TRHDE: variants seen among roughly 807,000 people sequenced by gnomAD.
TRHDE encodes the protein thyrotropin releasing hormone degrading enzyme, also known as thyrotropin-releasing hormone-degrading ectoenzyme.
In TRHDE, 72 loss-of-function variants were observed where a neutral mutation model predicts 125.7. That is an observed-to-expected ratio of 0.57 (90% CI 0.47 to 0.70). The LOEUF (loss-of-function observed/expected upper bound fraction) is 0.70. TRHDE is among the 30% of genes least tolerant of loss of function. The pLI, the probability that TRHDE is intolerant of heterozygous loss-of-function variation, is 0.00. For synonymous variants in TRHDE, 509 were observed against 509.1 expected, an observed-to-expected ratio of 1.00 and a Z score of 0.00; for missense variants, 1,110 against 1,327.1, an observed-to-expected ratio of 0.84 and a Z score of 2.54.
chr12:72,538,830 C>T (rs926858382), intron 6 of TRHDE, among the ~76,000 whole-genome samples: 5 of 151,890 alleles, frequency 3.3e-5, no homozygotes, highest in African/African-American at 4.8e-5. Flanking sequence ...TTTCTGGTTA[C>T]TTTACTTCTT....
chr12:72,545,003 C>A (rs1048919518), intron 7 of TRHDE, among the ~76,000 whole-genome samples: 2 of 151,252 alleles, frequency 1.3e-5, no homozygotes, highest in Admixed American at 1.3e-4. Flanking sequence ...TCATATTACC[C>A]ATTGGTTCAG....
intron 2 of TRHDE, chr12:72,264,524 C>T (rs1264537425): frequency 1.3e-5 from 2 of 151,922 alleles, no homozygotes; most frequent in Admixed American, 6.6e-5. Flanking sequence ...AAATGAATAT[C>T]GATTTTTGTG....
At chr12:72,554,286 T>A (rs1869819175) in intron 7 of TRHDE, among the ~76,000 whole-genome samples, 1 of 152,186 alleles carries the variant, frequency 6.6e-6, no homozygotes, top group Admixed American at 6.6e-5. Context: ...TTGGATTCTT[T>A]ATGTGGCTGG....
intron 2 of TRHDE, among the ~76,000 whole-genome samples, chr12:72,191,709 G>A (rs181616379): frequency 1.3e-3 from 199 of 152,122 alleles, no homozygotes; most frequent in African/African-American, 4.5e-3. Context: ...GAGAGTTTAA[G>A]TAAAAAAATG....
intron 2 of TRHDE, among the ~76,000 whole-genome samples, chr12:72,359,103 C>T (rs1473150235): frequency 6.6e-6 from 1 of 150,462 alleles, no homozygotes; most frequent in East Asian, 2.0e-4. Flanking sequence ...TGTACCCCAC[C>T]CCCACCTCCC....
chr12:72,442,061 G>A (rs892613438), intron 3 of TRHDE, among the ~76,000 whole-genome samples: 1 of 151,764 alleles, frequency 6.6e-6, no homozygotes, highest in Admixed American at 6.6e-5. Context: ...ATTTCACCTT[G>A]TAAAGAGAGG....
At chr12:72,215,086 G>A (rs1256575642) in intron 2 of TRHDE, among the ~76,000 whole-genome samples, 2 of 152,160 alleles carry the variant, frequency 1.3e-5, no homozygotes, top group Non-Finnish European at 2.9e-5. Flanking sequence ...GTGCAGGTGG[G>A]CTGAGTCCAA....
intron 15 of TRHDE, among the ~76,000 whole-genome samples, chr12:72,651,449 C>G (rs1874500901): frequency 6.6e-6 from 1 of 151,860 alleles, no homozygotes; most frequent in South Asian, 2.1e-4. Context: ...CAGTATATTA[C>G]TGCCACATTC....
intron 2 of TRHDE, among the ~76,000 whole-genome samples, chr12:72,238,316 AT>A (rs1468069891): frequency 1.2e-4 from 4 of 34,402 alleles, no homozygotes; most frequent in African/African-American, 4.0e-4. Flanking sequence ...ATATATATAT[AT>A]ATATACATAT....
chr12:72,130,296 A>C (rs1051727014), intron 2 of TRHDE, among the ~76,000 whole-genome samples: 1 of 152,190 alleles, frequency 6.6e-6, no homozygotes, highest in Non-Finnish European at 1.5e-5. Context: ...GAGAAAAAGA[A>C]AAACAAAAGT....
chr12:72,415,330 G>A (rs1268756807), intron 3 of TRHDE, among the ~76,000 whole-genome samples: 2 of 151,918 alleles, frequency 1.3e-5, no homozygotes, highest in African/African-American at 2.4e-5. Flanking sequence ...GGAAAATCAG[G>A]GTAATTGGGG....
At chr12:72,558,657 T>C (rs1434845696) in intron 7 of TRHDE, among the ~76,000 whole-genome samples, 3 of 152,146 alleles carry the variant, frequency 2.0e-5, no homozygotes, top group Non-Finnish European at 4.4e-5. Flanking sequence ...TCATCACCCA[T>C]GTAAGATTCT....
At chr12:72,113,975 T>G (rs529601116) in intron 2 of TRHDE, among the ~76,000 whole-genome samples, 1 of 152,152 alleles carries the variant, frequency 6.6e-6, no homozygotes, top group South Asian at 2.1e-4. Context: ...TTTGTTAAGG[T>G]TTTACCTTAG....
At chr12:72,322,306 C>T (rs2135711510) in intron 2 of TRHDE, among the ~76,000 whole-genome samples, 1 of 152,122 alleles carries the variant, frequency 6.6e-6, no homozygotes, top group African/African-American at 2.4e-5. Flanking sequence ...GGGACTCTTT[C>T]TCATGGTGAT....
chr12:72,155,852 A>G (rs1167291088), intron 2 of TRHDE, among the ~76,000 whole-genome samples: 1 of 152,112 alleles, frequency 6.6e-6, no homozygotes, highest in East Asian at 1.9e-4. Context: ...GACCCACTTG[A>G]GGAGGGTCCC....
Position 72,420,349 on chromosome 12 carries a change from T to C in TRHDE, c.1315+42228T>C, listed in dbSNP as rs144124653. Among the ~76,000 whole-genome samples, 65 of 152,328 alleles carry C rather than the reference T, an allele frequency of 4.3e-4. No homozygotes were observed. The East Asian group carries it at 0.012, about 29-fold the overall frequency. ...TCCTGGTATTCTGATTTTCATAGAA[T>C]GATGGTTAGGAGCTGAGGAAACAAT... On this transcript the variant is annotated intron_variant, in intron 3 of 18. Transcript: ENST00000261180.
At chr12:72,158,605 T>A (rs1239036056) in intron 2 of TRHDE, among the ~76,000 whole-genome samples, 4 of 152,178 alleles carry the variant, frequency 2.6e-5, no homozygotes, top group African/African-American at 9.6e-5. Flanking sequence ...ACTTTTTAAA[T>A]ACAGTCATAA....
chr12:72,479,869 G>T lies in TRHDE; in HGVS notation c.1584+6689G>T, dbSNP rs1877083483. On this transcript the variant is annotated intron_variant, in intron 5 of 18. Transcript: ENST00000261180. Reference sequence around the variant, plus strand: ...GATGTTCCCCTTCCTGTGTCCATGTGTTCTCATTGTTCAATTCCCACCTAT... The same window carrying T: ...GATGTTCCCCTTCCTGTGTCCATGTTTTCTCATTGTTCAATTCCCACCTAT... Among the ~76,000 whole-genome samples the T allele has an allele frequency of 2.1e-5, 3 of 144,604 alleles. No individual in the cohort carries two copies. In the Admixed American group the frequency reaches 2.2e-4, roughly 11 times the overall value. 94.9% of individuals were successfully genotyped at this position (144,604 alleles called of 152,430 possible). A position where few individuals can be genotyped will look rare whatever the true frequency, so the allele number is the denominator to read the frequency against.
chr12:72,130,564 T>C (rs1253547634), intron 2 of TRHDE, among the ~76,000 whole-genome samples: 1 of 152,028 alleles, frequency 6.6e-6, no homozygotes, highest in African/African-American at 2.4e-5. Context: ...CCATGGAATG[T>C]GAAAGGATTT....
Sources: gnomAD v4.1 joint callset for allele counts (sites outside exome capture counted in the v4.1 genomes callset) on GRCh38, gnomAD v4.1.1 for gene constraint, MANE v1.5 for transcripts, NCBI Gene and HGNC (gene_info 2026-07-23, HGNC 2026-07-21) for gene names.